LIMCH1: variants seen among roughly 807,000 people sequenced by gnomAD.
LIMCH1 encodes LIM and calponin homology domains-containing protein 1.
A neutral mutation model predicts 176.5 loss-of-function variants in LIMCH1; 113 were observed. That is an observed-to-expected ratio of 0.64 (90% confidence interval 0.55 to 0.75). The LOEUF (loss-of-function observed/expected upper bound fraction) is 0.75. Ranked by LOEUF, LIMCH1 falls within the 30% of genes least tolerant of loss-of-function variation. The pLI is 0.00. For synonymous variants in LIMCH1, 619 were observed against 645.9 expected (o/e 0.96, Z 0.63); for missense variants, 1,674 against 1,814.9 (o/e 0.92, Z 1.41).
At chr4:41,577,688 C>G (rs1384286811) in intron 1 of LIMCH1, among the ~76,000 whole-genome samples, 1 of 152,178 alleles carries the variant, frequency 6.6e-6, no homozygotes, top group African/African-American at 2.4e-5. Context: ...CTCGGCCTCC[C>G]AAAGCACTGA....
chr4:41,534,197 G>A (rs2077622003), upstream of LIMCH1, among the ~76,000 whole-genome samples: 3 of 152,122 alleles, frequency 2.0e-5, no homozygotes, highest in South Asian at 2.1e-4. Context: ...GAAGCAGTGG[G>A]ATTAGAGATG....
intron 18 of LIMCH1, among the ~76,000 whole-genome samples, chr4:41,659,502 T>G (rs1321406013): frequency 6.6e-6 from 1 of 152,236 alleles, no homozygotes; most frequent in East Asian, 1.9e-4. Context: ...TCAGTGATGG[T>G]TTCCACCAAT....
chr4:41,457,156 C>T (rs1298138341), intron 1 of LIMCH1, among the ~76,000 whole-genome samples: 1 of 152,154 alleles, frequency 6.6e-6, no homozygotes, highest in Non-Finnish European at 1.5e-5. Flanking sequence ...TTATTAGATA[C>T]ATAGCTCTCA....
At chr4:41,691,592 C>CAAAAAA (rs796984431) in intron 30 of LIMCH1, among the ~76,000 whole-genome samples, 5 of 62,384 alleles carry the variant, frequency 8.0e-5, no homozygotes, top group South Asian at 5.5e-4. Context: ...ACTAAAAATA[C>CAAAAAA]AAAAAAAAAA....
chr4:41,681,714 C>G (rs1161968806), intron 25 of LIMCH1, among the ~76,000 whole-genome samples: 2 of 152,082 alleles, frequency 1.3e-5, no homozygotes, highest in African/African-American at 4.8e-5. Flanking sequence ...GCATGCTGGG[C>G]TTAACACTCA....
intron 4 of LIMCH1, among the ~76,000 whole-genome samples, chr4:41,611,366 G>A (rs936386793): frequency 6.6e-6 from 1 of 152,180 alleles, no homozygotes; most frequent in African/African-American, 2.4e-5. Flanking sequence ...CTGTCATTCA[G>A]CAACACATAA....
At chr4:41,515,296 G>A (rs893101360) in intron 2 of LIMCH1, among the ~76,000 whole-genome samples, 6 of 152,166 alleles carry the variant, frequency 3.9e-5, no homozygotes, top group Non-Finnish European at 5.9e-5. Context: ...CTTCCTCCGC[G>A]TCCCCAGCTT....
intron 3 of LIMCH1, among the ~76,000 whole-genome samples, chr4:41,525,931 G>T (rs768054005): frequency 2.0e-5 from 3 of 152,030 alleles, no homozygotes; most frequent in Non-Finnish European, 4.4e-5. Flanking sequence ...ACTAAGGAAG[G>T]CCCCAGGAAA....
chr4:41,536,246 C>T (rs948375014), upstream of LIMCH1, among the ~76,000 whole-genome samples: 1 of 152,172 alleles, frequency 6.6e-6, no homozygotes, highest in Admixed American at 6.5e-5. Context: ...AAGTATGAGA[C>T]CATGCTAGGC....
intron 4 of LIMCH1, among the ~76,000 whole-genome samples, chr4:41,607,804 A>G (rs1027718013): frequency 3.9e-5 from 6 of 152,212 alleles, no homozygotes; most frequent in Non-Finnish European, 7.4e-5. Context: ...ATCACAGGAC[A>G]TGGTGGAGTA....
intron 1 of LIMCH1, among the ~76,000 whole-genome samples, chr4:41,397,679 A>T (rs1271307239): frequency 1.3e-5 from 2 of 152,150 alleles, no homozygotes; most frequent in Non-Finnish European, 2.9e-5. Context: ...CAAGGTTATT[A>T]GACTGTGTTG....
intron 1 of LIMCH1, among the ~76,000 whole-genome samples, chr4:41,429,550 G>A (rs1043001895): frequency 3.3e-5 from 5 of 152,138 alleles, no homozygotes; most frequent in African/African-American, 1.2e-4. Context: ...ATCAGGCTGT[G>A]GTAAGCACAG....
At position 41,662,998 on chromosome 4, in the gene LIMCH1, T is replaced by C. The variant is rs777616671; in HGVS notation, c.3291+14T>C. Reference sequence around the variant, plus strand: ...CTGTCACAAAAGGTGAAGTGCAGAGTGGAGGAAAGCGGTTAAACCCACAAG... The same window carrying C: ...CTGTCACAAAAGGTGAAGTGCAGAGCGGAGGAAAGCGGTTAAACCCACAAG... On this transcript the variant is annotated intron_variant, in intron 20 of 31. Transcript: ENST00000503057. 29 of 1,610,666 alleles carry C rather than the reference T, an allele frequency of 1.8e-5. No individual in the cohort carries two copies. Among genetic ancestry groups the C allele is most frequent in the Middle Eastern group, 1.6e-4 (1 of 6,068 alleles).
chr4:41,449,531 A>C (rs2063627207), intron 1 of LIMCH1, among the ~76,000 whole-genome samples: 1 of 151,782 alleles, frequency 6.6e-6, no homozygotes, highest in African/African-American at 2.4e-5. Flanking sequence ...TCTCTCTCTT[A>C]CTTTCTTATT....
chr4:41,467,151 GTA>G (rs147016551), intron 1 of LIMCH1, among the ~76,000 whole-genome samples: 1,857 of 60,770 alleles, frequency 0.031, 23 homozygotes, highest in South Asian at 0.056. Flanking sequence ...ATATGTGTAT[GTA>G]TATATACACA....
chr4:41,657,905 A>G (rs755987498), intron 18 of LIMCH1, among the ~76,000 whole-genome samples: 3 of 152,170 alleles, frequency 2.0e-5, no homozygotes, highest in African/African-American at 7.2e-5. Context: ...CTTTTGCAGA[A>G]TAAATGAGTG....
At chr4:41,675,786 T>C (rs2095197960) in intron 22 of LIMCH1, among the ~76,000 whole-genome samples, 1 of 152,200 alleles carries the variant, frequency 6.6e-6, no homozygotes, top group African/African-American at 2.4e-5. Context: ...CTTTTATTAA[T>C]ACAAAAAGGA....
At chr4:41,566,755 T>G (rs2082829332) in intron 1 of LIMCH1, among the ~76,000 whole-genome samples, 1 of 152,230 alleles carries the variant, frequency 6.6e-6, no homozygotes, top group Non-Finnish European at 1.5e-5. Context: ...TCATACACTT[T>G]ATACAATTTT....
intron 1 of LIMCH1, among the ~76,000 whole-genome samples, chr4:41,462,085 G>A (rs976978353): frequency 2.0e-5 from 3 of 152,104 alleles, no homozygotes; most frequent in African/African-American, 7.2e-5. Flanking sequence ...TAAAGGGAAC[G>A]GTCTACTTGA....
Sources: allele counts gnomAD v4.1 joint callset (sites outside exome capture counted in the v4.1 genomes callset), GRCh38; gene constraint gnomAD v4.1.1; transcripts MANE v1.5; gene names NCBI Gene and HGNC (gene_info 2026-07-23, HGNC 2026-07-21).